MTA3: variants seen among roughly 807,000 people sequenced by gnomAD.
The protein encoded by MTA3 is metastasis-associated protein MTA3.
In MTA3, 34 loss-of-function variants were observed where a neutral mutation model predicts 83.5. The ratio of observed to expected loss-of-function variants is 0.41; its 90% confidence interval spans 0.31 to 0.54. The LOEUF (loss-of-function observed/expected upper bound fraction) is 0.54. Ranked by LOEUF, MTA3 falls within the 20% of genes least tolerant of loss-of-function variation. MTA3 has a pLI of 0.33. For synonymous variants in MTA3, 303 were observed against 252.7 expected, an observed-to-expected ratio of 1.20 and a Z score of -1.89; for missense variants, 761 against 726.4, an observed-to-expected ratio of 1.05 and a Z score of -0.55.
rs574419708 is a variant in MTA3, at chr2:42,610,445, G to A, written c.317+861G>A. 5.9e-5 allele frequency among the ~76,000 whole-genome samples: 9 copies of A among 152,242 alleles called. No homozygotes were observed. In the East Asian group the frequency reaches 1.4e-3, roughly 23 times the overall value. ...CAGAAAAAAGGTGACTGATTTGGGC[G>A]ATATCTCTGGTTCTCTAACATGGAC... On this transcript the variant is annotated intron_variant, in intron 4 of 16. Transcript: ENST00000405094.
At chr2:42,660,660 CGAGAAAACT>C in intron 8 of MTA3, among the ~76,000 whole-genome samples, 1 of 152,162 alleles carries the variant, frequency 6.6e-6, no homozygotes, top group Non-Finnish European at 1.5e-5. Context: ...ATTTTACACA[CGAGAAAACT>C]GAGTTTGGTG....
intron 16 of MTA3, among the ~76,000 whole-genome samples, chr2:42,729,904 A>T (rs1169929849): frequency 1.3e-5 from 2 of 152,188 alleles, no homozygotes; most frequent in East Asian, 3.9e-4. Flanking sequence ...TTTTAACAGT[A>T]TCGATTCTTC....
At chr2:42,722,839 A>C in intron 15 of MTA3, 50 bp from the exon 16 acceptor site, 1 of 1,544,024 alleles carries the variant, frequency 6.5e-7, no homozygotes, top group Non-Finnish European at 8.8e-7. Context: ...AAATGCACAC[A>C]GATTTTTAAT....
At chr2:42,523,706 A>T (rs1250661661) in intron 2 of MTA3, among the ~76,000 whole-genome samples, 1 of 152,120 alleles carries the variant, frequency 6.6e-6, no homozygotes, top group Non-Finnish European at 1.5e-5. Flanking sequence ...TGAGCCCAGG[A>T]GTTTCAGACC....
intron 16 of MTA3, among the ~76,000 whole-genome samples, chr2:42,746,205 G>T (rs1169461153): frequency 6.6e-6 from 1 of 151,880 alleles, no homozygotes; most frequent in Admixed American, 6.6e-5. Context: ...TTTTTCCCTG[G>T]TTTTTAGGAT....
chr2:42,583,044 C>A (rs1679850382), intron 3 of MTA3, among the ~76,000 whole-genome samples: 1 of 151,970 alleles, frequency 6.6e-6, no homozygotes, highest in Admixed American at 6.6e-5. Context: ...GAAATTACTT[C>A]ATTTTGTGTT....
chr2:42,669,408 G>C (rs1330208703), intron 8 of MTA3, among the ~76,000 whole-genome samples: 2 of 152,022 alleles, frequency 1.3e-5, no homozygotes, highest in Non-Finnish European at 2.9e-5. Context: ...CTTTTGATTA[G>C]CATTTTAGAT....
At chr2:42,588,831 T>C (rs995119558) in intron 3 of MTA3, among the ~76,000 whole-genome samples, 2 of 152,072 alleles carry the variant, frequency 1.3e-5, no homozygotes, top group African/African-American at 4.8e-5. Context: ...CTATATAAAA[T>C]TTTCAACAGG....
At chr2:42,498,254 A>C (rs758884824) in intron 2 of MTA3, among the ~76,000 whole-genome samples, 1 of 152,180 alleles carries the variant, frequency 6.6e-6, no homozygotes, top group Non-Finnish European at 1.5e-5. Context: ...TTTCGAATGG[A>C]AATTCAAATG....
Position 42,704,232 on chromosome 2 carries a change from G to C in MTA3, c.1064G>C (p.Gly355Ala). ...PNPNQISTSN[G>A]KPGAVNGAVG... is the part of the protein sequence containing the mutation. Reference sequence around the variant, plus strand: ...CCCAACCAAATATCCACTAGTAATGGGAAGCCTGGTGCTGTGAATGGAGCT... The same window carrying C: ...CCCAACCAAATATCCACTAGTAATGCGAAGCCTGGTGCTGTGAATGGAGCT... The change falls in exon 12 of 17, where the codon GGG (glycine) becomes GCG (alanine). Residue 355 changes from glycine to alanine, a missense_variant. Transcript: ENST00000405094. 6.2e-7 allele frequency: 1 copy of C among 1,613,876 alleles called. No homozygotes were observed. The highest frequency in any genetic ancestry group is 8.5e-7 in the Non-Finnish European group (1 of 1,179,840).
chr2:42,697,832 C>G lies in MTA3; in HGVS notation c.1023C>G (p.Thr341=). ...AACTGAAACAAGTATATATCCCAAC[C>G]TAGTAAGTAATTGAAATCTTTTAAA... The part of the protein sequence containing the change: ...ESKLKQVYIP[T]YSKPNPNQIS... The change falls in exon 11 of 17, where the codon ACC becomes ACG. Residue 341 remains threonine (T), a splice_region_variant and synonymous_variant. Coordinates refer to ENST00000405094, the MANE Select transcript of MTA3 (RefSeq NM_001330442.2). 2.6e-6 allele frequency: 4 copies of G among 1,520,798 alleles called. No homozygotes were observed. Among genetic ancestry groups the G allele is most frequent in the African/African-American group, 1.4e-5 (1 of 72,098 alleles). 94.2% of individuals were successfully genotyped at this position (1,520,798 alleles called of 1,614,324 possible).
chr2:42,738,913 G>T (rs866808725), intron 16 of MTA3, among the ~76,000 whole-genome samples: 3 of 152,252 alleles, frequency 2.0e-5, no homozygotes, highest in African/African-American at 7.2e-5. Context: ...ATTTTGGTCA[G>T]ACCGGTTGAT....
At chr2:42,531,126 G>A (rs1176683848) in intron 2 of MTA3, among the ~76,000 whole-genome samples, 1 of 152,086 alleles carries the variant, frequency 6.6e-6, no homozygotes, top group African/African-American at 2.4e-5. Context: ...TACCATGCCC[G>A]GCCCCATGTG....
intron 3 of MTA3, among the ~76,000 whole-genome samples, chr2:42,596,430 A>C (rs1681796747): frequency 6.6e-6 from 1 of 152,120 alleles, no homozygotes; most frequent in South Asian, 2.1e-4. Context: ...TATTTTATGG[A>C]GTTTTTATTT....
rs561183021 is a variant in MTA3 at position 42,720,550 on chromosome 2, G to A, written c.1612+1476G>A. On this transcript the variant is annotated intron_variant, in intron 15 of 16. Coordinates refer to ENST00000405094, the MANE Select transcript of MTA3 (RefSeq NM_001330442.2). ...CCCCTGAAAATGTCACATGGTTATT[G>A]TACACATGACCTACGTAATGGTGGT... Among the ~76,000 whole-genome samples, 8 of 152,076 alleles carry A rather than the reference G, an allele frequency of 5.3e-5. No homozygotes were observed. In the South Asian group the frequency reaches 1.3e-3, roughly 24 times the overall value.
At chr2:42,615,606 G>A (rs926696561) in intron 4 of MTA3, among the ~76,000 whole-genome samples, 3 of 150,872 alleles carry the variant, frequency 2.0e-5, no homozygotes, top group African/African-American at 4.9e-5. Flanking sequence ...CGCCCACCTC[G>A]GCGTCCCAAA....
At position 42,594,569 on chromosome 2, in the gene MTA3, TA is replaced by T. The variant is rs1272052120; in HGVS notation, c.191-14888del. Reference sequence around the variant, plus strand: ...TAAATTTTTTAATCTTTACTAATCTTACAGATTAAAAATGGTGCCTTGGTGG... The same window carrying T: ...TAAATTTTTTAATCTTTACTAATCTTCAGATTAAAAATGGTGCCTTGGTGG... On this transcript the variant is annotated intron_variant, in intron 3 of 16. Transcript: ENST00000405094. Among the ~76,000 whole-genome samples, 2 of 148,474 alleles carry T rather than the reference TA, an allele frequency of 1.3e-5. 1 individual carries two copies. Among genetic ancestry groups the T allele is most frequent in the Admixed American group, 1.4e-4 (2 of 14,590 alleles).
chr2:42,720,052 G>C (rs1667292378), intron 15 of MTA3, among the ~76,000 whole-genome samples: 1 of 152,050 alleles, frequency 6.6e-6, no homozygotes, highest in Admixed American at 6.6e-5. Context: ...TCAAAGTGTA[G>C]TCTTGAATTT....
chr2:42,549,692 T>G (rs1236267388), intron 2 of MTA3, among the ~76,000 whole-genome samples: 1 of 131,602 alleles, frequency 7.6e-6, no homozygotes, highest in Non-Finnish European at 1.5e-5. Context: ...ATATATTATA[T>G]ATACATATTA....
Sources: allele counts gnomAD v4.1 joint callset (sites outside exome capture counted in the v4.1 genomes callset), GRCh38; gene constraint gnomAD v4.1.1; transcripts MANE v1.5; gene names NCBI Gene and HGNC (gene_info 2026-07-23, HGNC 2026-07-21).